KCNQ1: variants seen among roughly 807,000 people sequenced by gnomAD.
The protein encoded by KCNQ1 is potassium voltage-gated channel subfamily Q member 1.
KCNQ1 carries 49 observed loss-of-function variants against 72.4 expected under a neutral mutation model. The observed-to-expected ratio is 0.68, with a 90% CI of 0.54 to 0.86. KCNQ1 has a LOEUF of 0.86. Among genes scored for constraint, KCNQ1 ranks in the 40% least tolerant of loss-of-function variants. The probability of loss-of-function intolerance (pLI) is 0.00; values close to 1 mark genes in which losing one functional copy is unlikely to be tolerated. For synonymous variants in KCNQ1, 450 were observed against 412.6 expected (o/e 1.09, Z -1.10); for missense variants, 790 against 945.1 (o/e 0.84, Z 2.15).
At chr11:2,540,149 C>T (rs1311574057) in intron 2 of KCNQ1, among the ~76,000 whole-genome samples, 1 of 152,112 alleles carries the variant, frequency 6.6e-6, no homozygotes, top group African/African-American at 2.4e-5. Flanking sequence ...CCGCTGTGTC[C>T]CTGAACAAGG....
At chr11:2,527,181 A>C (rs1400053642) in intron 1 of KCNQ1, among the ~76,000 whole-genome samples, 11 of 152,106 alleles carry the variant, frequency 7.2e-5, no homozygotes, top group Non-Finnish European at 1.5e-5. Flanking sequence ...CTTCCCTTTC[A>C]TGAGTTCTGT....
rs1310215651 is a variant in KCNQ1 at position 2,698,087 on chromosome 11, CTGAG to C, written c.1514+36008_1514+36011del. 6 of 398,632 alleles carry C rather than the reference CTGAG, an allele frequency of 1.5e-5. No individual in the cohort carries two copies. In the South Asian group the frequency reaches 6.4e-4, roughly 42 times the overall value. The allele number at this position is 398,632 out of a possible 1,614,324, so 24.7% of individuals were successfully genotyped here. A position where few individuals can be genotyped will look rare whatever the true frequency, so the allele number is the denominator to read the frequency against. On this transcript the variant is annotated intron_variant, in intron 11 of 15. Transcript: ENST00000155840. This position sits in a 1 kb window ranked among gnomAD's most constrained non-coding sequence, Gnocchi z 5.1. ...CTGCCTGCTTTCCTTCAAGTACTGACTGAGTAAGGCTGTGTATCAGGCTCTTGGC... is the reference window on the plus strand; with the variant it reads ...CTGCCTGCTTTCCTTCAAGTACTGACTAAGGCTGTGTATCAGGCTCTTGGC...
At chr11:2,557,964 A>G (rs1848096713) in intron 2 of KCNQ1, among the ~76,000 whole-genome samples, 1 of 152,238 alleles carries the variant, frequency 6.6e-6, no homozygotes, top group African/African-American at 2.4e-5. Flanking sequence ...CAAAAAATTG[A>G]GATTTAACTG....
Position 2,550,473 on chromosome 11 carries a change from C to T in KCNQ1, c.478-20155C>T, listed in dbSNP as rs759180855. ...GTTCCTCCCTAGGCAGCTCCATGCG[C>T]GGGCCCCGGAGCTGGAAAGCAGCCA... is the stretch of plus-strand genomic sequence containing the variant. On this transcript the variant is annotated intron_variant, in intron 2 of 15. Transcript: ENST00000155840. The surrounding 1 kb of genome is among the most constrained non-coding windows in gnomAD (Gnocchi z 6.0). Among the ~76,000 whole-genome samples, 42 of 152,332 alleles carry T rather than the reference C, an allele frequency of 2.8e-4. No homozygotes were observed. Among genetic ancestry groups the T allele is most frequent in the Non-Finnish European group, 5.4e-4 (37 of 68,018 alleles).
chr11:2,744,856 G>A (rs1178500073), intron 11 of KCNQ1, among the ~76,000 whole-genome samples: 2 of 151,988 alleles, frequency 1.3e-5, no homozygotes, highest in East Asian at 1.9e-4. Flanking sequence ...CTTTTCCTCC[G>A]TGGAGTGACT....
chr11:2,606,071 T>C (rs910250936), intron 10 of KCNQ1, among the ~76,000 whole-genome samples: 4 of 152,268 alleles, frequency 2.6e-5, no homozygotes, highest in Non-Finnish European at 5.9e-5. Flanking sequence ...TTTACTCATT[T>C]TAAGTATATA....
rs190433214 is a variant in KCNQ1, at chr11:2,717,524, A to G, written c.1515-51320A>G. ...CTTTCTTCCAGAACCTTTTAATGAA[A>G]GTGCCTCTGCCCCACCAGGGCCTGG... is the stretch of plus-strand genomic sequence containing the variant. On this transcript the variant is annotated intron_variant, in intron 11 of 15. Transcript: ENST00000155840. 4.6e-5 allele frequency among the ~76,000 whole-genome samples: 7 copies of G among 152,256 alleles called. No individual in the cohort carries two copies. The East Asian group carries it at 1.4e-3, about 29-fold the overall frequency.
At chr11:2,461,708 G>A (rs1292976699) in intron 1 of KCNQ1, 2 of 1,367,094 alleles carry the variant, frequency 1.5e-6, no homozygotes, top group Non-Finnish European at 2.0e-6. Flanking sequence ...GCGGGGCCTG[G>A]CATGGAGTAG....
At chr11:2,686,074 G>A (rs1372648004) in intron 11 of KCNQ1, 3 of 398,928 alleles carry the variant, frequency 7.5e-6, no homozygotes, top group Middle Eastern at 6.2e-4. Context: ...GGAAGGACAG[G>A]GCCAGCATTG....
chr11:2,697,594 T>G, intron 11 of KCNQ1: 2 of 398,622 alleles, frequency 5.0e-6, no homozygotes, highest in Non-Finnish European at 4.4e-6. Context: ...CGTTAAACTT[T>G]ATCACATCAT....
intron 1 of KCNQ1, chr11:2,521,511 G>A (rs1402290630): frequency 2.1e-6 from 1 of 470,660 alleles, no homozygotes; most frequent in Non-Finnish European, 4.4e-6. Context: ...TCACGAGAGT[G>A]CAAAGTTCTG....
chr11:2,716,837 G>C (rs1044075329), intron 11 of KCNQ1, among the ~76,000 whole-genome samples: 4 of 152,222 alleles, frequency 2.6e-5, no homozygotes, highest in Non-Finnish European at 4.4e-5. Context: ...GGAGGGAGCC[G>C]AGGGCAGGCA....
rs979304931 is a variant in KCNQ1, at chr11:2,468,462, G to A, written c.386+22978G>A. ...TTTTTCTAAGTAGCTTTACGGAGGCGTGCTTGGCATACGGTAAACTGCCCC... is the reference window on the plus strand; with the variant it reads ...TTTTTCTAAGTAGCTTTACGGAGGCATGCTTGGCATACGGTAAACTGCCCC... On this transcript the variant is annotated intron_variant, in intron 1 of 15. Transcript: ENST00000155840. The surrounding 1 kb of genome is among the most constrained non-coding windows in gnomAD (Gnocchi z 5.7). 3.3e-5 allele frequency among the ~76,000 whole-genome samples: 5 copies of A among 152,184 alleles called. No individual in the cohort carries two copies. Among genetic ancestry groups the A allele is most frequent in the East Asian group, 1.9e-4 (1 of 5,172 alleles).
rs1299699923 is a variant in KCNQ1, at chr11:2,830,054, G to A, written c.1795-17713G>A. Among the ~76,000 whole-genome samples, 1 of 144,564 alleles carries A rather than the reference G, an allele frequency of 6.9e-6. No homozygotes were observed. Among genetic ancestry groups the A allele is most frequent in the Non-Finnish European group, 1.5e-5 (1 of 64,948 alleles). The allele number at this position is 144,564 out of a possible 152,430, so 94.8% of individuals were successfully genotyped here. On this transcript the variant is annotated intron_variant, in intron 15 of 15. Coordinates refer to ENST00000155840, the MANE Select transcript of KCNQ1 (RefSeq NM_000218.3). This position sits in a 1 kb window ranked among gnomAD's most constrained non-coding sequence, Gnocchi z 7.7. ...GGAGGAGGGAGGAGGAAGGAGGAGG[G>A]AGGAGGGAGGAAGAGAGAGAAGGAA... is the stretch of plus-strand genomic sequence containing the variant.
chr11:2,718,109 C>T (rs934156167), intron 11 of KCNQ1, among the ~76,000 whole-genome samples: 1 of 152,190 alleles, frequency 6.6e-6, no homozygotes, highest in South Asian at 2.1e-4. Context: ...CCCGCGTGCC[C>T]CGTCCTGGCT....
At chr11:2,747,195 C>T (rs374933492) in intron 11 of KCNQ1, among the ~76,000 whole-genome samples, 7 of 152,210 alleles carry the variant, frequency 4.6e-5, no homozygotes, top group Non-Finnish European at 8.8e-5. Context: ...TGCTGTTGGA[C>T]GGGGATGAAG....
chr11:2,667,021 A>T, intron 11 of KCNQ1: 1 of 398,708 alleles, frequency 2.5e-6, no homozygotes, highest in Non-Finnish European at 4.4e-6. Context: ...GATCCCCGTC[A>T]GAGCCCCACA....
Position 2,445,579 on chromosome 11 carries a change from T to A in KCNQ1, c.386+95T>A, listed in dbSNP as rs1846025939. The A allele has an allele frequency of 4.2e-6, 6 of 1,414,028 alleles. No homozygotes were observed. In the Admixed American group the frequency reaches 1.2e-4, roughly 28 times the overall value. The allele number at this position is 1,414,028 out of a possible 1,614,324, so 87.6% of individuals were successfully genotyped here. A position where few individuals can be genotyped will look rare whatever the true frequency, so the allele number is the denominator to read the frequency against. ...CCAGCGCCACCTGCCCCGTCGGAGC[T>A]GCGACCCCGGAGCAGAGGAGGGAAG... On this transcript the variant is annotated intron_variant, in intron 1 of 15. Coordinates refer to ENST00000155840, the MANE Select transcript of KCNQ1 (RefSeq NM_000218.3).
chr11:2,705,477 CG>C (rs3216306), intron 11 of KCNQ1, among the ~76,000 whole-genome samples: 16,448 of 152,080 alleles, frequency 0.11, 1,047 homozygotes, highest in African/African-American at 0.16. Context: ...GTGCCAGGCA[CG>C]GGGGGGTGGG....
Sources: gnomAD v4.1 joint callset for allele counts (sites outside exome capture counted in the v4.1 genomes callset) on GRCh38, gnomAD v4.1.1 for gene constraint, Gnocchi (gnomAD v3.1) non-coding constraint, MANE v1.5 for transcripts, NCBI Gene and HGNC (gene_info 2026-07-23, HGNC 2026-07-21) for gene names.